The following ASCC3 variants were observed in gnomAD, a reference collection of about 807,000 sequenced individuals.
The protein encoded by ASCC3 is ASC-1 complex subunit P200.
A neutral mutation model predicts 256.3 loss-of-function variants in ASCC3; 158 were observed. That is an observed-to-expected ratio of 0.62 (90% confidence interval 0.54 to 0.70). ASCC3 has a LOEUF of 0.70. Among genes scored for constraint, ASCC3 ranks in the 30% least tolerant of loss-of-function variants. The pLI is 0.00. For synonymous variants in ASCC3, 948 were observed against 883.4 expected, an observed-to-expected ratio of 1.07 and a Z score of -1.30; for missense variants, 2,259 against 2,626.0, an observed-to-expected ratio of 0.86 and a Z score of 3.05.
rs767661468 is a variant in ASCC3 at position 100,540,259 on chromosome 6, G to A, written c.5679C>T (p.Leu1893=). 1 of 1,614,036 alleles carries A rather than the reference G, an allele frequency of 6.2e-7. No individual in the cohort carries two copies. The highest frequency in any genetic ancestry group is 8.5e-7 in the Non-Finnish European group (1 of 1,179,986). Residue 1893 remains leucine, a synonymous_variant, in exon 37 of 42, where the codon CTC becomes CTT. Coordinates refer to ENST00000369162, the MANE Select transcript of ASCC3 (RefSeq NM_006828.4). ...CTCGGCTGAGATGTGCCTGTAGCAGGAGATGTGCTTTGGTGTGAGGGCTGT... is the reference window on the plus strand; with the variant it reads ...CTCGGCTGAGATGTGCCTGTAGCAGAAGATGTGCTTTGGTGTGAGGGCTGT... ...SFDSPHTKAH[L]LLQAHLSRAM... is the part of the protein sequence containing the mutation.
At chr6:100,731,696 G>T (rs1192161385) in intron 10 of ASCC3, among the ~76,000 whole-genome samples, 1 of 152,114 alleles carries the variant, frequency 6.6e-6, no homozygotes, top group Non-Finnish European at 1.5e-5. Flanking sequence ...TTCATTTATT[G>T]TAAAGTTGTG....
intron 14 of ASCC3, among the ~76,000 whole-genome samples, chr6:100,671,345 G>A (rs1388393153): frequency 2.0e-5 from 3 of 151,926 alleles, no homozygotes; most frequent in Non-Finnish European, 4.4e-5. Context: ...CGGAGCCCAG[G>A]TTTTGCTACT....
chr6:100,683,975 A>G (rs1777433660), intron 13 of ASCC3, among the ~76,000 whole-genome samples: 1 of 152,118 alleles, frequency 6.6e-6, no homozygotes, highest in Non-Finnish European at 1.5e-5. Flanking sequence ...AAAAGTATGT[A>G]AATTTGAGTT....
At position 100,798,986 on chromosome 6, in the gene ASCC3, T is replaced by C. The variant is rs7772577; in HGVS notation, c.1270-148A>G. 755,516 of 761,368 alleles carry C rather than the reference T, an allele frequency of 0.99. 375,095 individuals carry two copies. Among genetic ancestry groups the C allele is most frequent in the East Asian group, 1 (36,770 of 36,770 alleles). The allele number at this position is 761,368 out of a possible 1,614,324, so 47.2% of individuals were successfully genotyped here. A position where few individuals can be genotyped will look rare whatever the true frequency, so the allele number is the denominator to read the frequency against. On this transcript the variant is annotated intron_variant, in intron 7 of 41. Transcript: ENST00000369162. ...TTAGCTAATTTAAAAGAAAACAAAC[T>C]TAAATAAAACAAAAACAAATGCAAA...
At chr6:100,826,792 G>GT (rs992349148) in intron 4 of ASCC3, among the ~76,000 whole-genome samples, 4 of 152,092 alleles carry the variant, frequency 2.6e-5, no homozygotes, top group Non-Finnish European at 4.4e-5. Context: ...TCAGAGTAAG[G>GT]TTTTTTCAAT....
intron 36 of ASCC3, among the ~76,000 whole-genome samples, chr6:100,543,475 G>A (rs1276601719): frequency 1.3e-5 from 2 of 151,654 alleles, no homozygotes; most frequent in African/African-American, 4.8e-5. Context: ...ATATATTAAT[G>A]TATAGAGAGA....
chr6:100,666,708 C>T (rs1030640840), intron 14 of ASCC3, among the ~76,000 whole-genome samples: 5 of 152,048 alleles, frequency 3.3e-5, no homozygotes. Flanking sequence ...TTTTTATCCA[C>T]CTGTGTTATA....
chr6:100,632,182 TAAA>T (rs35229827), intron 25 of ASCC3, among the ~76,000 whole-genome samples: 6 of 102,000 alleles, frequency 5.9e-5, no homozygotes, highest in African/African-American at 1.1e-4. Flanking sequence ...GCAAACTATC[TAAA>T]AAAAAAAAAA....
intron 3 of ASCC3, among the ~76,000 whole-genome samples, chr6:100,863,723 T>C (rs1329441303): frequency 6.6e-6 from 1 of 152,058 alleles, no homozygotes; most frequent in African/African-American, 2.4e-5. Context: ...TCAGGTAATT[T>C]TCCCACATCA....
At chr6:100,714,019 A>G (rs1423227921) in intron 13 of ASCC3, among the ~76,000 whole-genome samples, 1 of 152,164 alleles carries the variant, frequency 6.6e-6, no homozygotes, top group African/African-American at 2.4e-5. Context: ...ATACACTACA[A>G]ATAAAACCTC....
chr6:100,802,305 C>T (rs1248097775), intron 5 of ASCC3, among the ~76,000 whole-genome samples: 1 of 151,942 alleles, frequency 6.6e-6, no homozygotes, highest in Non-Finnish European at 1.5e-5. Flanking sequence ...GGCTTGTATC[C>T]TTTTAGAACG....
intron 4 of ASCC3, among the ~76,000 whole-genome samples, chr6:100,847,711 G>C (rs757906092): frequency 5.3e-5 from 8 of 152,090 alleles, no homozygotes; most frequent in Admixed American, 6.6e-5. Flanking sequence ...CAAGAAAACT[G>C]AGCTTCTGAG....
intron 2 of ASCC3, among the ~76,000 whole-genome samples, chr6:100,867,533 A>G (rs1302877658): frequency 2.0e-5 from 3 of 152,120 alleles, no homozygotes; most frequent in Admixed American, 6.5e-5. Context: ...TGTTCATTTG[A>G]TAAGAATTTT....
chr6:100,814,017 C>T (rs1174228343), intron 4 of ASCC3, among the ~76,000 whole-genome samples: 1 of 152,100 alleles, frequency 6.6e-6, no homozygotes, highest in Non-Finnish European at 1.5e-5. Context: ...TGTCTTGTGC[C>T]ACTTTTCAAG....
intron 3 of ASCC3, among the ~76,000 whole-genome samples, chr6:100,853,392 C>G (rs1772780898): frequency 6.7e-6 from 1 of 150,150 alleles, no homozygotes; most frequent in African/African-American, 2.4e-5. Context: ...AAATATCAAT[C>G]ACTTGCATCC....
intron 14 of ASCC3, among the ~76,000 whole-genome samples, chr6:100,670,015 T>A (rs1285614493): frequency 2.6e-5 from 4 of 151,224 alleles, no homozygotes; most frequent in Non-Finnish European, 5.9e-5. Flanking sequence ...GTAAAAAAAA[T>A]CATAAACAAA....
chr6:100,610,531 A>G (rs1773341050), intron 30 of ASCC3, among the ~76,000 whole-genome samples: 1 of 152,144 alleles, frequency 6.6e-6, no homozygotes. Flanking sequence ...TTACTAAGGT[A>G]TTAAAAAAGC....
At chr6:100,800,873 G>T (rs1021889537) in intron 5 of ASCC3, among the ~76,000 whole-genome samples, 2 of 151,526 alleles carry the variant, frequency 1.3e-5, no homozygotes, top group East Asian at 3.9e-4. Context: ...AGCATTTACT[G>T]TTAATATAGT....
rs79141717 is a variant in ASCC3, at chr6:100,721,737, A to G, written c.1903-3486T>C. Among the ~76,000 whole-genome samples, 1,108 of 151,790 alleles carry G rather than the reference A, an allele frequency of 7.3e-3. 11 individuals carry two copies. Among genetic ancestry groups the G allele is most frequent in the African/African-American group, 0.025 (1,031 of 41,518 alleles). On this transcript the variant is annotated intron_variant, in intron 11 of 41. Transcript: ENST00000369162. ...GTAAACAAGTCCCAAATATTTCTAC[A>G]ATTTCATTTCTACTGAAGAAATCAC...
Sources: allele counts gnomAD v4.1 joint callset (sites outside exome capture counted in the v4.1 genomes callset), GRCh38; gene constraint gnomAD v4.1.1; transcripts MANE v1.5; gene names NCBI Gene and HGNC (gene_info 2026-07-23, HGNC 2026-07-21).